Variants in MACROD2 observed in about 807,000 individuals in gnomAD.
MACROD2 encodes ADP-ribose glycohydrolase MACROD2.
MACROD2 carries 36 observed loss-of-function variants against 70.4 expected under a neutral mutation model. The observed-to-expected ratio is 0.51, with a 90% CI of 0.39 to 0.68. MACROD2 has a LOEUF of 0.68. MACROD2 is among the 30% of genes least tolerant of loss of function. The pLI is 0.00. For missense variants in MACROD2, 496 were observed against 538.4 expected, an observed-to-expected ratio of 0.92 and a Z score of 0.78; for synonymous variants, 172 against 178.8, an observed-to-expected ratio of 0.96 and a Z score of 0.30.
intron 3 of MACROD2, among the ~76,000 whole-genome samples, chr20:14,485,727 C>T (rs2084721026): frequency 6.8e-6 from 1 of 147,012 alleles, no homozygotes; most frequent in Non-Finnish European, 1.5e-5. Context: ...AAAAAAAGAC[C>T]ATGGAGAAAA....
At chr20:15,191,945 GTT>G (rs2076574158) in intron 5 of MACROD2, among the ~76,000 whole-genome samples, 1 of 132,184 alleles carries the variant, frequency 7.6e-6, no homozygotes, top group African/African-American at 2.8e-5. Flanking sequence ...GAGAGAGAGA[GTT>G]AATACATATA....
chr20:16,016,229 A>T (rs540150019), intron 15 of MACROD2, among the ~76,000 whole-genome samples: 39 of 152,350 alleles, frequency 2.6e-4, no homozygotes, highest in African/African-American at 9.4e-4. Context: ...CTACCTCTAC[A>T]AATGAATCAC....
intron 2 of MACROD2, among the ~76,000 whole-genome samples, chr20:14,051,620 A>G (rs1360425426): frequency 6.6e-6 from 1 of 152,224 alleles, no homozygotes. Flanking sequence ...TGGTTTACTA[A>G]TAATAGTATC....
chr20:14,591,839 A>C (rs1033165418), intron 4 of MACROD2, among the ~76,000 whole-genome samples: 1 of 152,206 alleles, frequency 6.6e-6, no homozygotes, highest in Non-Finnish European at 1.5e-5. Flanking sequence ...GTGTTCTGGG[A>C]ATTCTGGAAA....
intron 5 of MACROD2, among the ~76,000 whole-genome samples, chr20:14,911,818 A>G (rs2074031339): frequency 6.6e-6 from 1 of 151,992 alleles, no homozygotes; most frequent in South Asian, 2.1e-4. Flanking sequence ...CACAACAAAC[A>G]ATGTTTTGTA....
chr20:15,021,536 G>GTA (rs1196457345), intron 5 of MACROD2: 62 of 150,664 alleles, frequency 4.1e-4, no homozygotes, highest in African/African-American at 1.4e-3. Context: ...ATATACATAT[G>GTA]TATATATATG....
At chr20:14,903,655 G>A (rs6079602) in intron 5 of MACROD2, among the ~76,000 whole-genome samples, 134,647 of 152,124 alleles carry the variant, frequency 0.89, 59,644 homozygotes, top group East Asian at 1. Flanking sequence ...TATTCATTAG[G>A]ATACTGTTAG....
At chr20:14,143,865 T>C (rs989351051) in intron 3 of MACROD2, among the ~76,000 whole-genome samples, 1 of 152,202 alleles carries the variant, frequency 6.6e-6, no homozygotes, top group African/African-American at 2.4e-5. Flanking sequence ...CACAGTGTCA[T>C]TATTTTTTTA....
intron 3 of MACROD2, among the ~76,000 whole-genome samples, chr20:14,478,752 TA>T (rs896077141): frequency 1.3e-5 from 2 of 152,164 alleles, no homozygotes; most frequent in African/African-American, 4.8e-5. Flanking sequence ...TAGTAGGTAG[TA>T]ACTCTGTTAG....
chr20:15,642,102 A>C (rs2049468456), intron 8 of MACROD2, among the ~76,000 whole-genome samples: 1 of 152,220 alleles, frequency 6.6e-6, no homozygotes, highest in South Asian at 2.1e-4. Context: ...AAGACAAAAA[A>C]TGAGAACATA....
intron 8 of MACROD2, among the ~76,000 whole-genome samples, chr20:15,693,228 A>G (rs2050320933): frequency 6.6e-6 from 1 of 152,214 alleles, no homozygotes; most frequent in Non-Finnish European, 1.5e-5. Context: ...GACAATTTTC[A>G]GAAATACATA....
chr20:15,390,606 A>C (rs2045779684), intron 6 of MACROD2, among the ~76,000 whole-genome samples: 1 of 152,118 alleles, frequency 6.6e-6, no homozygotes, highest in East Asian at 1.9e-4. Context: ...GATATCTATT[A>C]CCTGCTCTTG....
At chr20:15,764,260 T>G (rs1258304009) in intron 8 of MACROD2, among the ~76,000 whole-genome samples, 1 of 152,248 alleles carries the variant, frequency 6.6e-6, no homozygotes, top group Non-Finnish European at 1.5e-5. Context: ...TATTTTTTTC[T>G]GTTATATTGA....
chr20:15,758,480 T>C (rs2146993336), intron 8 of MACROD2, among the ~76,000 whole-genome samples: 1 of 151,862 alleles, frequency 6.6e-6, no homozygotes, highest in South Asian at 2.1e-4. Context: ...CCCCAAGTGA[T>C]CCGACTGCCT....
At chr20:15,933,242 A>G in intron 10 of MACROD2, 34 bp from the exon 11 acceptor site, 1 of 1,604,012 alleles carries the variant, frequency 6.2e-7, no homozygotes, top group Non-Finnish European at 8.5e-7. Flanking sequence ...AATTGACTTG[A>G]TGCATTTTTT....
At chr20:15,362,354 A>G (rs2078362643) in intron 6 of MACROD2, among the ~76,000 whole-genome samples, 1 of 152,102 alleles carries the variant, frequency 6.6e-6, no homozygotes, top group Non-Finnish European at 1.5e-5. Context: ...GTGAGAGCGG[A>G]CATCCTTACC....
At chr20:14,821,208 CT>C (rs971315232) in intron 5 of MACROD2, among the ~76,000 whole-genome samples, 2 of 152,132 alleles carry the variant, frequency 1.3e-5, no homozygotes, top group Middle Eastern at 3.4e-3. Context: ...ATGATGACTT[CT>C]TTTTTTCAGT....
intron 8 of MACROD2, among the ~76,000 whole-genome samples, chr20:15,641,788 G>A (rs968319500): frequency 6.6e-6 from 1 of 151,990 alleles, no homozygotes; most frequent in African/African-American, 2.4e-5. Flanking sequence ...ATACTGCAAG[G>A]GAGATTTTTC....
chr20:14,112,026 A>G (rs1045236934), intron 3 of MACROD2, among the ~76,000 whole-genome samples: 3 of 152,088 alleles, frequency 2.0e-5, no homozygotes, highest in Non-Finnish European at 2.9e-5. Context: ...AGTACTGTTC[A>G]GCCATAAAAA....
Sources: allele counts gnomAD v4.1 joint callset (sites outside exome capture counted in the v4.1 genomes callset), GRCh38; gene constraint gnomAD v4.1.1; transcripts MANE v1.5; gene names NCBI Gene and HGNC (gene_info 2026-07-23, HGNC 2026-07-21).